Variants in POMT1 observed in about 807,000 individuals in gnomAD.
POMT1 encodes protein O-mannosyl-transferase 1.
POMT1 carries 85 observed loss-of-function variants against 101.6 expected under a neutral mutation model. The ratio of observed to expected loss-of-function variants is 0.84; its 90% CI spans 0.70 to 1.00. The LOEUF (loss-of-function observed/expected upper bound fraction) is 1.00. Ranked by LOEUF, POMT1 falls within the 50% of genes least tolerant of loss-of-function variation. POMT1 has a pLI of 0.00. For synonymous variants in POMT1, 371 were observed against 383.0 expected (o/e 0.97, Z 0.37); for missense variants, 857 against 930.4 (o/e 0.92, Z 1.03).
In POMT1 at chr9:131,509,710, T is replaced by C. The variant is rs372386622; in HGVS notation, c.540-33T>C. 23 of 1,614,110 alleles carry C rather than the reference T, an allele frequency of 1.4e-5. No homozygotes were observed. In the African/African-American group the frequency reaches 2.4e-4, roughly 17 times the overall value. On this transcript the variant is annotated intron_variant, in intron 6 of 19. Coordinates refer to ENST00000402686, the MANE Select transcript of POMT1 (RefSeq NM_001077365.2). ...GCCTTTTGGAAATGTGTCTGAACTA[T>C]TTCTGTCTCCATCTGCTTTGTTTTT...
In POMT1 at chr9:131,504,481, A is replaced by T. The variant is rs1480540453; in HGVS notation, c.122+141A>T. The T allele has an allele frequency of 2.4e-6, 3 of 1,272,634 alleles. No individual in the cohort carries two copies. The African/African-American group carries it at 4.4e-5, about 19-fold the overall frequency. The allele number at this position is 1,272,634 out of a possible 1,614,324, so 78.8% of individuals were successfully genotyped here. On this transcript the variant is annotated intron_variant, in intron 2 of 19. Transcript: ENST00000402686. Reference sequence around the variant, plus strand: ...GTTTTTGGCAGTGAGAGGAGAGACCAGTCTGTCCCCAGGACAGCCCCAGCA... The same window carrying T: ...GTTTTTGGCAGTGAGAGGAGAGACCTGTCTGTCCCCAGGACAGCCCCAGCA...
chr9:131,510,554 G>T (rs924694094), intron 9 of POMT1, 139 bp downstream of exon 9: 75 of 1,173,218 alleles, frequency 6.4e-5, no homozygotes, highest in Non-Finnish European at 8.8e-5. Flanking sequence ...TTTTTTTGGT[G>T]GGGGGGATGG....
Position 131,506,142 on chromosome 9 carries a change from A to C in POMT1, c.151A>C (p.Ile51Leu). Residue 51 changes from isoleucine to leucine, a missense_variant, in exon 3 of 20, where the codon ATC becomes CTC. By Grantham distance (5) the Ile-to-Leu change is conservative (BLOSUM62 2). Coordinates refer to ENST00000402686, the MANE Select transcript of POMT1 (RefSeq NM_001077365.2). ...TGACGAAGTATATTATGGGCAGTAC[A>C]TCTCTTTTTACATGAAACAAATCTT... ...VFDEVYYGQY[I>L]SFYMKQIFFL... 6.2e-7 allele frequency: 1 copy of C among 1,614,122 alleles called. No homozygotes were observed. The highest frequency in any genetic ancestry group is 8.5e-7 in the Non-Finnish European group (1 of 1,180,024).
chr9:131,508,792 C>T (rs918180141), intron 5 of POMT1, 119 bp from the exon 6 acceptor site: 3 of 735,514 alleles, frequency 4.1e-6, no homozygotes, highest in African/African-American at 3.5e-5. Flanking sequence ...TTAACATTCA[C>T]AACAGCCCCA....
chr9:131,504,050 G>C (rs912411370), intron 1 of POMT1, 139 bp from the exon 2 acceptor site: 2 of 968,046 alleles, frequency 2.1e-6, no homozygotes, highest in Non-Finnish European at 3.2e-6. Flanking sequence ...CTGAACCAAG[G>C]CTCCAGGAAC....
Position 131,522,595 on chromosome 9 carries a change from T to G in POMT1, c.2004-337T>G, listed in dbSNP as rs1950172764. 3.8e-6 allele frequency: 2 copies of G among 526,476 alleles called. No homozygotes were observed. The highest frequency in any genetic ancestry group is 6.9e-6 in the Non-Finnish European group (2 of 291,190). The allele number at this position is 526,476 out of a possible 1,614,324, so 32.6% of individuals were successfully genotyped here. A position where few individuals can be genotyped will look rare whatever the true frequency, so the allele number is the denominator to read the frequency against. ...GTGGTGGAGAGAACCCAAGAAAGCT[T>G]CTAAACCAGAGTGTGTTTGGAGGTT... On this transcript the variant is annotated intron_variant, in intron 19 of 19. Coordinates refer to ENST00000402686, the MANE Select transcript of POMT1 (RefSeq NM_001077365.2). The surrounding 1 kb of genome is among the most constrained non-coding windows in gnomAD (Gnocchi z 5.5).
chr9:131,510,989 C>T, intron 9 of POMT1: 1 of 268,756 alleles, frequency 3.7e-6, no homozygotes, highest in South Asian at 4.9e-5. Context: ...TGCTGTAGTG[C>T]TGTGTGTTTC....
intron 10 of POMT1, 61 bp downstream of exon 10, chr9:131,511,528 A>G (rs930188161): frequency 8.7e-6 from 14 of 1,602,746 alleles, no homozygotes; most frequent in African/African-American, 2.7e-5. Flanking sequence ...AGATTTGCTT[A>G]TCTTAGCAAC....
At chr9:131,510,978 G>GT in intron 9 of POMT1, 1 of 279,516 alleles carries the variant, frequency 3.6e-6, no homozygotes, top group Non-Finnish European at 6.9e-6. Context: ...CCGACGGCCA[G>GT]TGCTGTAGTG....
In POMT1 at chr9:131,519,635, G is replaced by C. The variant is rs75075614; in HGVS notation, c.1584+149G>C. On this transcript the variant is annotated intron_variant, in intron 16 of 19. Transcript: ENST00000402686. The surrounding 1 kb of genome is among the most constrained non-coding windows in gnomAD (Gnocchi z 4.3). The stretch of plus-strand genomic sequence containing the variant: ...ACAGAATGAGTGTCTCCTCTCTCCA[G>C]TGTAAGGGACTGTGTGTGACACCCC... 1 of 819,642 alleles carries C rather than the reference G, an allele frequency of 1.2e-6. No individual in the cohort carries two copies. Among genetic ancestry groups the C allele is most frequent in the African/African-American group, 1.7e-5 (1 of 59,342 alleles). 50.8% of individuals were successfully genotyped at this position (819,642 alleles called of 1,614,324 possible).
intron 11 of POMT1, 114 bp from the exon 12 acceptor site, chr9:131,513,125 C>A: frequency 1.2e-6 from 1 of 839,132 alleles, no homozygotes; most frequent in Non-Finnish European, 2.0e-6. Flanking sequence ...GTGAGGCACA[C>A]ATGGGTTGGG....
In POMT1 at chr9:131,523,499, T is replaced by C. The variant is rs572122875; in HGVS notation, c.*393T>C. ...ATCTGGCAGACCCGATCCTCCTTCA[T>C]GAACACCCAGCAACCTGAGCAAGTC... On this transcript the variant is annotated 3_prime_UTR_variant, in exon 20 of 20. Transcript: ENST00000402686. The C allele has an allele frequency of 2.2e-5, 7 of 316,842 alleles. No homozygotes were observed. Among genetic ancestry groups the C allele is most frequent in the Admixed American group, 4.3e-5 (1 of 23,258 alleles). The allele number at this position is 316,842 out of a possible 1,614,324, so 19.6% of individuals were successfully genotyped here.
chr9:131,512,101 T>C lies in POMT1; in HGVS notation c.1047T>C (p.Asp349=), dbSNP rs3739494. The change falls in exon 11 of 20, where the codon GAT becomes GAC. Residue 349 remains aspartate, a synonymous_variant. Coordinates refer to ENST00000402686, the MANE Select transcript of POMT1 (RefSeq NM_001077365.2). ...AGGTGACCTGTTACCCCTTCAAAGA[T>C]GTCAATAACTGGTGGATTGTAAAGG... ...QQQVTCYPFK[D]VNNWWIVKDP... 1,516,689 of 1,613,944 alleles carry C rather than the reference T, an allele frequency of 0.94. 714,925 individuals are homozygous for C. The highest frequency in any genetic ancestry group is 0.97 in the South Asian group (88,384 of 91,066).
At position 131,522,821 on chromosome 9, in the gene POMT1, G is replaced by A. The variant is rs1950220912; in HGVS notation, c.2004-111G>A. On this transcript the variant is annotated intron_variant, in intron 19 of 19. Coordinates refer to ENST00000402686, the MANE Select transcript of POMT1 (RefSeq NM_001077365.2). This position sits in a 1 kb window ranked among gnomAD's most constrained non-coding sequence, Gnocchi z 5.5. Reference sequence around the variant, plus strand: ...GACAAGACACAGAAACCTGAAGGCAGAACCCCAGGCCTCGGGGGGTGACCG... The same window carrying A: ...GACAAGACACAGAAACCTGAAGGCAAAACCCCAGGCCTCGGGGGGTGACCG... 1 of 1,176,142 alleles carries A rather than the reference G, an allele frequency of 8.5e-7. No individual in the cohort carries two copies. Among genetic ancestry groups the A allele is most frequent in the Non-Finnish European group, 1.2e-6 (1 of 822,010 alleles). 72.9% of individuals were successfully genotyped at this position (1,176,142 alleles called of 1,614,324 possible).
intron 5 of POMT1, among the ~76,000 whole-genome samples, chr9:131,508,012 C>A (rs1272770635): frequency 1.3e-5 from 2 of 152,038 alleles, no homozygotes; most frequent in Non-Finnish European, 2.9e-5. Flanking sequence ...GCGGGCAGAT[C>A]ACGAGGTCAG....
chr9:131,504,323 C>A lies in POMT1; in HGVS notation c.105C>A (p.Thr35=). The change falls in exon 2 of 20, where the codon ACC becomes ACA. Residue 35 remains threonine, a synonymous_variant. Transcript: ENST00000402686. The part of the protein sequence containing the change: ...MGLLSRLWRL[T]YPRAVVFDEV... ...TACTGAGCCGGCTGTGGCGACTCACCTACCCGCGGGCTGTGGTGTAAGCTA... is the reference window on the plus strand; with the variant it reads ...TACTGAGCCGGCTGTGGCGACTCACATACCCGCGGGCTGTGGTGTAAGCTA... The A allele has an allele frequency of 1.3e-5, 21 of 1,614,234 alleles. No homozygotes were observed. The highest frequency in any genetic ancestry group is 1.8e-5 in the Non-Finnish European group (21 of 1,180,048).
At chr9:131,511,123 T>C (rs1171614935) in intron 9 of POMT1, 2 of 557,140 alleles carry the variant, frequency 3.6e-6, no homozygotes, top group African/African-American at 1.9e-5. Flanking sequence ...CTGAACTGAG[T>C]GCCTGGCCCA....
chr9:131,515,309 C>A, intron 12 of POMT1, 117 bp from the exon 13 acceptor site: 3 of 1,053,346 alleles, frequency 2.8e-6, no homozygotes, highest in Non-Finnish European at 3.0e-6. Context: ...TGGGCCACCC[C>A]TTATGGCTGA....
rs10793880 is a variant in POMT1, at chr9:131,508,679, A to G, written c.428-232A>G. 0.89 allele frequency among the ~76,000 whole-genome samples: 134,951 copies of G among 152,114 alleles called. 60,576 individuals are homozygous for G. Among genetic ancestry groups the G allele is most frequent in the South Asian group, 0.97 (4,678 of 4,820 alleles). On this transcript the variant is annotated intron_variant, in intron 5 of 19. Coordinates refer to ENST00000402686, the MANE Select transcript of POMT1 (RefSeq NM_001077365.2). ...GTGCCACTGCACTCCAGCCTGGGCGACAGAGCAAGACCCTGACTCAAAGAA... is the reference window on the plus strand; with the variant it reads ...GTGCCACTGCACTCCAGCCTGGGCGGCAGAGCAAGACCCTGACTCAAAGAA...
Sources: allele counts gnomAD v4.1 joint callset (sites outside exome capture counted in the v4.1 genomes callset), GRCh38; gene constraint gnomAD v4.1.1; non-coding constraint Gnocchi (gnomAD v3.1); transcripts MANE v1.5; gene names NCBI Gene and HGNC (gene_info 2026-07-23, HGNC 2026-07-21).